Variants in SETX observed in about 807,000 individuals in gnomAD.
SETX encodes senataxin.
A neutral mutation model predicts 227.2 loss-of-function variants in SETX; 90 were observed. The observed-to-expected ratio is 0.40, with a 90% CI of 0.33 to 0.47. The LOEUF (loss-of-function observed/expected upper bound fraction) is 0.47. SETX is among the 20% of genes least tolerant of loss of function. The probability of loss-of-function intolerance (pLI) is 0.91; values close to 1 mark genes in which losing one functional copy is unlikely to be tolerated. For synonymous variants in SETX, 1,210 were observed against 1,113.2 expected (o/e 1.09, Z -1.73); for missense variants, 3,052 against 3,181.5 (o/e 0.96, Z 0.98).
intron 18 of SETX, among the ~76,000 whole-genome samples, chr9:132,284,183 T>C (rs1045641236): frequency 6.6e-6 from 1 of 152,224 alleles, no homozygotes; most frequent in Non-Finnish European, 1.5e-5. Flanking sequence ...TGTCAGACAC[T>C]GTCCTCAGCC....
intron 4 of SETX, among the ~76,000 whole-genome samples, chr9:132,344,093 A>G (rs1178864834): frequency 2.0e-5 from 3 of 152,198 alleles, no homozygotes; most frequent in Admixed American, 6.5e-5. Context: ...GCGTATACCT[A>G]AAGTCGACCC....
chr9:132,296,774 T>C (rs1209936418), intron 14 of SETX, 113 bp downstream of exon 14: 3 of 985,082 alleles, frequency 3.0e-6, no homozygotes, highest in African/African-American at 1.6e-5. Flanking sequence ...ATAAAAAATA[T>C]ATACAAATCA....
At position 132,329,776 on chromosome 9, in the gene SETX, G is replaced by C; in HGVS notation, c.1822C>G (p.Leu608Val). ...KAPPCNTFVD[L>V]TSACKISPAS... Reference sequence around the variant, plus strand: ...GGAGAGATTTTACATGCAGAAGTCAGATCCACAAAAGTGTTACATGGAGGT... The same window carrying C: ...GGAGAGATTTTACATGCAGAAGTCACATCCACAAAAGTGTTACATGGAGGT... The change falls in exon 10 of 26, where the codon CTG becomes GTG. Residue 608 changes from leucine (L) to valine (V), a missense_variant. Leu to Val is a conservative substitution (Grantham distance 32, BLOSUM62 1). Coordinates refer to ENST00000224140, the MANE Select transcript of SETX (RefSeq NM_015046.7). 1 of 1,614,086 alleles carries C rather than the reference G, an allele frequency of 6.2e-7. No homozygotes were observed. Among genetic ancestry groups the C allele is most frequent in the Non-Finnish European group, 8.5e-7 (1 of 1,179,994 alleles).
chr9:132,269,699 G>A lies in SETX; in HGVS notation c.7203C>T (p.Phe2401=), dbSNP rs1459894303. The A allele has an allele frequency of 1.2e-6, 2 of 1,614,116 alleles. No homozygotes were observed. Among genetic ancestry groups the A allele is most frequent in the East Asian group, 2.2e-5 (1 of 44,880 alleles). The part of the protein sequence containing the change: ...RANSIQGSIG[F]LASLQRLNVT... ...CATTCAATCTCTGCAAACTTGCCAG[G>A]AATCTAGGCAATAAAAAAAGAGTTC... Residue 2401 remains phenylalanine, a synonymous_variant, in exon 25 of 26, where the codon TTC becomes TTT. Transcript: ENST00000224140.
chr9:132,347,601 C>T (rs1564569803), intron 3 of SETX, among the ~76,000 whole-genome samples: 3 of 151,948 alleles, frequency 2.0e-5, no homozygotes, highest in Non-Finnish European at 2.9e-5. Flanking sequence ...TAAGCTACAG[C>T]ACTCAGCCTT....
intron 24 of SETX, 116 bp downstream of exon 24, chr9:132,271,594 A>G: frequency 1.1e-6 from 1 of 894,996 alleles, no homozygotes; most frequent in Admixed American, 1.8e-5. Context: ...GGTTTTCACA[A>G]AAGAAAATTA....
At chr9:132,281,203 T>C (rs1843481413) in intron 20 of SETX, among the ~76,000 whole-genome samples, 1 of 152,174 alleles carries the variant, frequency 6.6e-6, no homozygotes, top group Non-Finnish European at 1.5e-5. Context: ...TCCCAAAGCT[T>C]GGTTTCCATG....
At chr9:132,323,387 A>G (rs1846492263) in intron 10 of SETX, among the ~76,000 whole-genome samples, 1 of 152,224 alleles carries the variant, frequency 6.6e-6, no homozygotes, top group Non-Finnish European at 1.5e-5. Context: ...ATGGAAAGGC[A>G]ATTACAGCAT....
chr9:132,334,640 G>A lies in SETX; in HGVS notation c.806C>T (p.Ser269Leu), dbSNP rs757988188. Residue 269 changes from serine (S) to leucine (L), a missense_variant, in exon 7 of 26, where the codon TCG (serine) becomes TTG (leucine). By Grantham distance (145) the Ser-to-Leu change is moderately radical. This residue lies in a region of SETX where 239 missense variants were observed against 240.8 expected (regional missense o/e 0.99). Transcript: ENST00000224140. Reference protein sequence around the residue: ...GSDKQNDFMQSILHTMEREAD... With the variant: ...GSDKQNDFMQLILHTMEREAD... ...TTCCCTCTCCATAGTGTGAAGTATC[G>A]ATTGCATAAAATCATTTTGTTTGTC... 4.1e-5 allele frequency: 66 copies of A among 1,613,758 alleles called. No individual in the cohort carries two copies. Among genetic ancestry groups the A allele is most frequent in the African/African-American group, 8.0e-5 (6 of 74,884 alleles).
chr9:132,331,842 A>G (rs1384628715), intron 7 of SETX, among the ~76,000 whole-genome samples: 3 of 152,184 alleles, frequency 2.0e-5, no homozygotes, highest in Non-Finnish European at 4.4e-5. Flanking sequence ...TAACTAACAG[A>G]AAAGAAGAGG....
Position 132,331,390 on chromosome 9 carries a change from G to T in SETX, c.897C>A (p.Arg299=), listed in dbSNP as rs1457629561. 2 of 1,614,018 alleles carry T rather than the reference G, an allele frequency of 1.2e-6. No individual in the cohort carries two copies. Among genetic ancestry groups the T allele is most frequent in the South Asian group, 2.2e-5 (2 of 91,076 alleles). ...ALHCFMVILD[R]LGSKVWGQLM... ...GTTGACCCCAGACCTTAGATCCAAG[G>T]CGATCCAGAATCACCATAAAACAGT... is the stretch of plus-strand genomic sequence containing the variant. Residue 299 remains arginine, a synonymous_variant, in exon 8 of 26, where the codon CGC becomes CGA. Coordinates refer to ENST00000224140, the MANE Select transcript of SETX (RefSeq NM_015046.7).
intron 10 of SETX, among the ~76,000 whole-genome samples, chr9:132,318,483 G>T (rs545248236): frequency 6.6e-6 from 1 of 152,140 alleles, no homozygotes; most frequent in Admixed American, 6.5e-5. Context: ...CTACAGCCTA[G>T]CATCACCTAG....
chr9:132,327,322 C>T lies in SETX; in HGVS notation c.4276G>A (p.Ala1426Thr). 1.9e-6 allele frequency: 3 copies of T among 1,614,188 alleles called. No individual in the cohort carries two copies. Among genetic ancestry groups the T allele is most frequent in the South Asian group, 2.2e-5 (2 of 91,090 alleles). Residue 1426 changes from alanine (A) to threonine (T), a missense_variant, in exon 10 of 26, where the codon GCA becomes ACA. By Grantham distance (58) the Ala-to-Thr change is moderately conservative (BLOSUM62 0). Transcript: ENST00000224140. ...CMPSEPETIK[A>T]KHGSPATDDA... ...TCAGTTGCTGGAGACCCATGTTTTG[C>T]TTTTATGGTTTCTGGTTCAGAAGGC...
At chr9:132,353,836 TACAG>T (rs1293799922) in intron 1 of SETX, 81 bp from the exon 2 acceptor site, 1 of 152,166 alleles carries the variant, frequency 6.6e-6, no homozygotes, top group Non-Finnish European at 1.5e-5. Context: ...TCGATCCTAT[TACAG>T]ACAGATACTG....
chr9:132,319,933 A>C (rs1433993718), intron 10 of SETX, among the ~76,000 whole-genome samples: 1 of 152,174 alleles, frequency 6.6e-6, no homozygotes, highest in African/African-American at 2.4e-5. Flanking sequence ...TCTACACAGG[A>C]GAGGCAACAG....
rs1554820021 is a variant in SETX at position 132,326,573 on chromosome 9, TG to T, written c.5024del (p.Pro1675HisfsTer14). The T allele has an allele frequency of 6.2e-7, 1 of 1,614,218 alleles. No individual in the cohort carries two copies. The highest frequency in any genetic ancestry group is 1.1e-5 in the South Asian group (1 of 91,086). ...NNSNRQGCKV[P>X]FGESKYFPSS... Reference sequence around the variant, plus strand: ...ATGGAAAATATTTGCTTTCACCAAATGGAACTTTGCAACCTTGCCTGTTGGA... The same window carrying T: ...ATGGAAAATATTTGCTTTCACCAAATGAACTTTGCAACCTTGCCTGTTGGA... On this transcript the variant is annotated frameshift_variant, in exon 10 of 26. Coordinates refer to ENST00000224140, the MANE Select transcript of SETX (RefSeq NM_015046.7). LOFTEE classifies it high-confidence loss of function.
chr9:132,328,072 G>T lies in SETX; in HGVS notation c.3526C>A (p.Pro1176Thr). Residue 1176 changes from proline (P) to threonine (T), a missense_variant, in exon 10 of 26, where the codon CCT (proline) becomes ACT (threonine). Pro to Thr is a conservative substitution (Grantham distance 38). Coordinates refer to ENST00000224140, the MANE Select transcript of SETX (RefSeq NM_015046.7). ...CCCTCATTTCTGACAGAAGATGAAG[G>T]CCTCACAGGATCTTCAGCCATTGGT... The part of the protein sequence containing the change: ...EKPMAEDPVR[P>T]SSSVRNEGQS... The T allele has an allele frequency of 6.2e-7, 1 of 1,614,070 alleles. No homozygotes were observed. Among genetic ancestry groups the T allele is most frequent in the African/African-American group, 1.3e-5 (1 of 75,004 alleles).
At position 132,303,340 on chromosome 9, in the gene SETX, A is replaced by G. The variant is rs1321590961; in HGVS notation, c.5375-2537T>C. ...GTCTGACTTCTACCTTTAAAAAAGC[A>G]AAAAAAAAAAAAAAAACCCTTAATC... On this transcript the variant is annotated intron_variant, in intron 11 of 25. Coordinates refer to ENST00000224140, the MANE Select transcript of SETX (RefSeq NM_015046.7). Among the ~76,000 whole-genome samples the G allele has an allele frequency of 2.0e-4, 22 of 112,228 alleles. No individual in the cohort carries two copies. The East Asian group carries it at 4.5e-3, about 23-fold the overall frequency. 73.6% of individuals were successfully genotyped at this position (112,228 alleles called of 152,430 possible).
At chr9:132,315,465 T>C (rs1845911297) in intron 10 of SETX, among the ~76,000 whole-genome samples, 1 of 152,218 alleles carries the variant, frequency 6.6e-6, no homozygotes. Flanking sequence ...GAGTTATCCA[T>C]TTTCTTGCAT....
Sources: gnomAD v4.1 joint callset for allele counts (sites outside exome capture counted in the v4.1 genomes callset) on GRCh38, gnomAD v4.1.1 for gene constraint, gnomAD v4.1.1 regional missense constraint, MANE v1.5 for transcripts, NCBI Gene and HGNC (gene_info 2026-07-23, HGNC 2026-07-21) for gene names.